The following GMPS variants were observed in gnomAD, a reference collection of about 807,000 sequenced individuals.
GMPS encodes the protein guanosine monophosphate synthase, also known as GMP synthase [glutamine-hydrolyzing].
In GMPS, 15 loss-of-function variants were observed where a neutral mutation model predicts 77.9. The observed-to-expected ratio is 0.19, with a 90% confidence interval of 0.13 to 0.30. The LOEUF (loss-of-function observed/expected upper bound fraction) is 0.30. Ranked by LOEUF, GMPS falls within the 10% of genes least tolerant of loss-of-function variation. The pLI is 1.00. For missense variants in GMPS, 590 were observed against 838.8 expected, an observed-to-expected ratio of 0.70 and a Z score of 3.66; for synonymous variants, 224 against 275.9, an observed-to-expected ratio of 0.81 and a Z score of 1.86.
At chr3:155,914,327 A>C in intron 7 of GMPS, 92 bp from the exon 8 acceptor site, 1 of 936,300 alleles carries the variant, frequency 1.1e-6, no homozygotes, top group Admixed American at 3.0e-5. Context: ...CAGACTGGGA[A>C]AGAAATAGCT....
chr3:155,874,658 C>T (rs1753985605), intron 1 of GMPS, among the ~76,000 whole-genome samples: 1 of 151,860 alleles, frequency 6.6e-6, no homozygotes. Flanking sequence ...TGAAATTCCT[C>T]CAGGAATCTC....
chr3:155,902,358 T>A (rs1455116408), intron 3 of GMPS, among the ~76,000 whole-genome samples: 1 of 152,224 alleles, frequency 6.6e-6, no homozygotes, highest in Non-Finnish European at 1.5e-5. Flanking sequence ...AGCTATGGCC[T>A]ATAGACCAAA....
At chr3:155,873,475 T>G (rs1753950035) in intron 1 of GMPS, among the ~76,000 whole-genome samples, 1 of 151,866 alleles carries the variant, frequency 6.6e-6, no homozygotes, top group East Asian at 1.9e-4. Flanking sequence ...TTGCTCAGGC[T>G]GGTCTGGAAC....
chr3:155,896,022 T>C (rs1365734468), intron 2 of GMPS, among the ~76,000 whole-genome samples: 7 of 151,814 alleles, frequency 4.6e-5, no homozygotes, highest in Non-Finnish European at 1.0e-4. Context: ...TTTGTTTTTT[T>C]TTTTTGAGAC....
intron 1 of GMPS, among the ~76,000 whole-genome samples, chr3:155,886,230 A>G (rs1290089462): frequency 1.3e-5 from 2 of 151,962 alleles, no homozygotes; most frequent in Non-Finnish European, 2.9e-5. Context: ...ATCTTACTCA[A>G]CTGTTCACAG....
chr3:155,909,964 G>T (rs187193839), intron 5 of GMPS, among the ~76,000 whole-genome samples: 1 of 151,262 alleles, frequency 6.6e-6, no homozygotes, highest in Admixed American at 6.6e-5. Context: ...AATAAAATAG[G>T]CCGGGCGCAG....
intron 15 of GMPS, among the ~76,000 whole-genome samples, chr3:155,937,177 G>C (rs1004250327): frequency 5.3e-5 from 8 of 152,202 alleles, no homozygotes; most frequent in Non-Finnish European, 1.2e-4. Flanking sequence ...AGTGTACTCT[G>C]TGCCACCTTG....
In GMPS at chr3:155,901,653, A is replaced by AT. The variant is rs201295317; in HGVS notation, c.325-2198dup. Among the ~76,000 whole-genome samples, 210 of 146,732 alleles carry AT rather than the reference A, an allele frequency of 1.4e-3. 1 individual carries two copies. The highest frequency in any genetic ancestry group is 3.6e-3 in the Middle Eastern group (1 of 278). ...CCCTGCCAACCCTTGACATGATTAG[A>AT]TTTTTTTTTTTTGTATTTTCTTATC... On this transcript the variant is annotated intron_variant, in intron 3 of 15. Coordinates refer to ENST00000496455, the MANE Select transcript of GMPS (RefSeq NM_003875.3).
chr3:155,900,427 T>G (rs1193898642), intron 3 of GMPS, among the ~76,000 whole-genome samples: 2 of 151,986 alleles, frequency 1.3e-5, no homozygotes, highest in African/African-American at 4.8e-5. Flanking sequence ...TGATTTTCTT[T>G]GTCAGAGTAC....
Position 155,942,429 on chromosome 3 carries a change from A to G in GMPS, c.*4737A>G, listed in dbSNP as rs1203483003. On this transcript the variant is annotated 3_prime_UTR_variant, in exon 16 of 16. Transcript: ENST00000496455. ...AATCTCCCAGTCAGAATAAATTCTTATTGAGGGCCATACCTAGCCTGTCTT... is the reference window on the plus strand; with the variant it reads ...AATCTCCCAGTCAGAATAAATTCTTGTTGAGGGCCATACCTAGCCTGTCTT... 1 of 218,970 alleles carries G rather than the reference A, an allele frequency of 4.6e-6. No homozygotes were observed. Among genetic ancestry groups the G allele is most frequent in the Non-Finnish European group, 9.2e-6 (1 of 109,162 alleles). The allele number at this position is 218,970 out of a possible 1,614,324, so 13.6% of individuals were successfully genotyped here.
intron 14 of GMPS, 63 bp from the exon 15 acceptor site, chr3:155,936,275 T>C: frequency 9.9e-7 from 1 of 1,011,370 alleles, no homozygotes; most frequent in Non-Finnish European, 1.6e-6. Context: ...GAGGATTTAA[T>C]TGAACTGAGT....
chr3:155,891,928 C>T (rs568855164), intron 1 of GMPS, among the ~76,000 whole-genome samples: 31 of 151,936 alleles, frequency 2.0e-4, no homozygotes, highest in African/African-American at 2.7e-4. Flanking sequence ...TTGCAGCAGA[C>T]GGAATAGTGG....
chr3:155,931,697 A>AG, intron 12 of GMPS, 68 bp from the exon 13 acceptor site: 1 of 573,046 alleles, frequency 1.7e-6, no homozygotes. Context: ...AAAAAAAAAA[A>AG]GCTTTGTCAA....
At chr3:155,870,919 G>T in intron 1 of GMPS, 22 bp downstream of exon 1, 1 of 1,465,992 alleles carries the variant, frequency 6.8e-7, no homozygotes. Context: ...GGTCCCTGCA[G>T]CACCGCATCC....
intron 10 of GMPS, among the ~76,000 whole-genome samples, chr3:155,921,742 T>A (rs1282959163): frequency 6.6e-6 from 1 of 152,026 alleles, no homozygotes; most frequent in Non-Finnish European, 1.5e-5. Context: ...CAGTGAGCAA[T>A]AATTGCACCA....
intron 2 of GMPS, among the ~76,000 whole-genome samples, 166 bp downstream of exon 2, chr3:155,893,865 G>A (rs1444824008): frequency 6.6e-6 from 1 of 152,196 alleles, no homozygotes; most frequent in African/African-American, 2.4e-5. Context: ...AAAAATTTAA[G>A]CTTTCAGTTT....
chr3:155,899,048 T>TG (rs1444334657), intron 3 of GMPS, among the ~76,000 whole-genome samples: 1 of 150,958 alleles, frequency 6.6e-6, no homozygotes, highest in Non-Finnish European at 1.5e-5. Flanking sequence ...CTGACCAACA[T>TG]GGGGAAACCC....
chr3:155,880,441 T>G (rs923273472), intron 1 of GMPS, among the ~76,000 whole-genome samples: 1 of 152,164 alleles, frequency 6.6e-6, no homozygotes. Flanking sequence ...AGTGTCAGTT[T>G]GTGGAGAGAG....
At chr3:155,882,326 C>G (rs990081741) in intron 1 of GMPS, among the ~76,000 whole-genome samples, 1 of 152,170 alleles carries the variant, frequency 6.6e-6, no homozygotes, top group Non-Finnish European at 1.5e-5. Context: ...ATAATGATCC[C>G]TCAGGTCCCT....
Sources: gnomAD v4.1 joint callset for allele counts (sites outside exome capture counted in the v4.1 genomes callset) on GRCh38, gnomAD v4.1.1 for gene constraint, MANE v1.5 for transcripts, NCBI Gene and HGNC (gene_info 2026-07-23, HGNC 2026-07-21) for gene names.